Variants in ADGRB3 observed in about 807,000 individuals in gnomAD.
ADGRB3 encodes brain-specific angiogenesis inhibitor 3.
In ADGRB3, 37 loss-of-function variants were observed where a neutral mutation model predicts 193.4. The observed-to-expected ratio is 0.19, with a 90% CI of 0.15 to 0.25. The LOEUF is 0.25. Ranked by LOEUF, ADGRB3 falls within the 10% of genes least tolerant of loss-of-function variation. ADGRB3 has a pLI of 1.00. For missense variants in ADGRB3, 1,637 were observed against 1,852.9 expected (o/e 0.88, Z 2.14); for synonymous variants, 690 against 644.2 (o/e 1.07, Z -1.08).
chr6:68,771,951 T>C (rs1411739035), intron 3 of ADGRB3, among the ~76,000 whole-genome samples: 2 of 152,048 alleles, frequency 1.3e-5, no homozygotes, highest in Non-Finnish European at 2.9e-5. Flanking sequence ...TCTCTGGAAG[T>C]GGGAAGGCAT....
At chr6:68,663,603 T>G (rs762172562) in intron 3 of ADGRB3, among the ~76,000 whole-genome samples, 20 of 151,780 alleles carry the variant, frequency 1.3e-4, no homozygotes, top group Admixed American at 7.3e-4. Context: ...GAAAGAAATA[T>G]TTTGCTTTAA....
intron 3 of ADGRB3, among the ~76,000 whole-genome samples, chr6:68,756,350 A>C (rs750307890): frequency 6.6e-6 from 1 of 152,204 alleles, no homozygotes; most frequent in Non-Finnish European, 1.5e-5. Flanking sequence ...CAATTTAATA[A>C]GATAATATTT....
chr6:69,327,711 A>G, intron 21 of ADGRB3, 109 bp from the exon 22 acceptor site: 1 of 777,892 alleles, frequency 1.3e-6, no homozygotes, highest in Non-Finnish European at 2.0e-6. Flanking sequence ...GACTCATCCA[A>G]AGATAGTTTA....
intron 17 of ADGRB3, chr6:69,232,522 G>C: frequency 6.5e-7 from 1 of 1,535,648 alleles, no homozygotes; most frequent in Non-Finnish European, 8.7e-7. Flanking sequence ...GCGGACTTGG[G>C]GTTAGCTTAA....
At chr6:69,013,472 G>A (rs998330909) in intron 11 of ADGRB3, among the ~76,000 whole-genome samples, 1 of 152,196 alleles carries the variant, frequency 6.6e-6, no homozygotes, top group Middle Eastern at 3.4e-3. Context: ...CCTGCTCTTA[G>A]CATGTGTGAT....
intron 3 of ADGRB3, among the ~76,000 whole-genome samples, chr6:68,861,216 C>A (rs1034773325): frequency 1.3e-5 from 2 of 152,118 alleles, no homozygotes; most frequent in Non-Finnish European, 2.9e-5. Flanking sequence ...TGGATATTTC[C>A]TGGCCTCTAT....
At chr6:69,209,549 AC>A (rs1170934501) in intron 17 of ADGRB3, among the ~76,000 whole-genome samples, 1 of 152,194 alleles carries the variant, frequency 6.6e-6, no homozygotes, top group East Asian at 1.9e-4. Context: ...AATGTAATGG[AC>A]CAGTGTGATA....
At chr6:69,244,808 G>C (rs189513790) in intron 20 of ADGRB3, among the ~76,000 whole-genome samples, 29 of 152,106 alleles carry the variant, frequency 1.9e-4, no homozygotes, top group African/African-American at 7.0e-4. Flanking sequence ...AGTACGTATG[G>C]AGCACTTAAC....
intron 13 of ADGRB3, among the ~76,000 whole-genome samples, chr6:69,031,564 T>TTTCTTTCTTTCTTTCTTTCTTTTC: frequency 7.4e-6 from 1 of 135,642 alleles, no homozygotes; most frequent in Non-Finnish European, 1.6e-5. Context: ...TCTTTCTTTC[T>TTTCTTTCTTTCTTTCTTTCTTTTC]TTTCTTCCTC....
intron 24 of ADGRB3, among the ~76,000 whole-genome samples, chr6:69,333,873 A>T (rs1262854660): frequency 5.3e-5 from 8 of 150,360 alleles, no homozygotes; most frequent in Non-Finnish European, 1.2e-4. Flanking sequence ...GAGCTTGCAG[A>T]GAGCCAAGAT....
chr6:68,889,159 T>A (rs79616587), intron 3 of ADGRB3, among the ~76,000 whole-genome samples: 13,769 of 152,276 alleles, frequency 0.09, 826 homozygotes, highest in Non-Finnish European at 0.13. Context: ...ATTTTAAGAA[T>A]AACATTTCAG....
At chr6:69,277,744 G>A (rs1258709561) in intron 20 of ADGRB3, among the ~76,000 whole-genome samples, 1 of 152,120 alleles carries the variant, frequency 6.6e-6, no homozygotes, top group Non-Finnish European at 1.5e-5. Context: ...AAGAACACAA[G>A]CCCAGTAGTA....
At chr6:69,354,467 G>A in intron 27 of ADGRB3, 139 bp downstream of exon 27, 1 of 681,780 alleles carries the variant, frequency 1.5e-6, no homozygotes, top group South Asian at 1.8e-5. Flanking sequence ...TGTGAACTCT[G>A]GTACCACAGA....
chr6:69,207,224 C>T (rs941004114), intron 17 of ADGRB3, among the ~76,000 whole-genome samples: 1 of 152,078 alleles, frequency 6.6e-6, no homozygotes, highest in Non-Finnish European at 1.5e-5. Context: ...AATGTAATGT[C>T]GCAGGAATGG....
chr6:69,331,845 T>A (rs1353726310), intron 23 of ADGRB3: 1 of 984,882 alleles, frequency 1.0e-6, no homozygotes, highest in Non-Finnish European at 1.2e-6. Flanking sequence ...AGAATACACT[T>A]TTTCTCTTAG....
chr6:68,705,272 A>G (rs978004557), intron 3 of ADGRB3, among the ~76,000 whole-genome samples: 1 of 152,142 alleles, frequency 6.6e-6, no homozygotes, highest in African/African-American at 2.4e-5. Flanking sequence ...AAGCTCAAAG[A>G]GTGTAGGGAC....
chr6:69,029,994 ACAC>A (rs2150292424), intron 13 of ADGRB3, among the ~76,000 whole-genome samples: 1 of 151,686 alleles, frequency 6.6e-6, no homozygotes, highest in Non-Finnish European at 1.5e-5. Flanking sequence ...ACACACACAC[ACAC>A]ACACACATAT....
intron 17 of ADGRB3, among the ~76,000 whole-genome samples, chr6:69,149,904 C>A (rs1008896142): frequency 6.7e-6 from 1 of 150,216 alleles, no homozygotes; most frequent in Non-Finnish European, 1.5e-5. Context: ...CTCTCTTTAT[C>A]TCTCTCTCTG....
At chr6:69,190,338 G>A (rs1415498550) in intron 17 of ADGRB3, among the ~76,000 whole-genome samples, 5 of 151,788 alleles carry the variant, frequency 3.3e-5, no homozygotes, top group South Asian at 2.1e-4. Context: ...GGTAGGCTTA[G>A]GGTAATGTTT....
Sources: allele counts gnomAD v4.1 joint callset (sites outside exome capture counted in the v4.1 genomes callset), GRCh38; gene constraint gnomAD v4.1.1; transcripts MANE v1.5; gene names NCBI Gene and HGNC (gene_info 2026-07-23, HGNC 2026-07-21).